Variants in CDH13 observed in about 807,000 individuals in gnomAD.
CDH13 encodes the protein cadherin 13, also known as cadherin-13.
Under a neutral mutation model 63.8 loss-of-function variants are expected in CDH13, and 24 were observed. The observed-to-expected ratio is 0.38, with a 90% CI of 0.27 to 0.53. CDH13 has a LOEUF of 0.53. Among genes scored for constraint, CDH13 ranks in the 20% least tolerant of loss-of-function variants. CDH13 has a pLI of 0.85. For missense variants in CDH13, 1,049 were observed against 903.1 expected (o/e 1.16, Z -2.07); for synonymous variants, 503 against 355.3 (o/e 1.42, Z -4.67).
intron 3 of CDH13, among the ~76,000 whole-genome samples, chr16:83,034,199 C>T (rs1361056702): frequency 6.6e-6 from 1 of 152,088 alleles, no homozygotes; most frequent in Non-Finnish European, 1.5e-5. Context: ...TGCTAATAAC[C>T]CCTGGCTTAG....
intron 2 of CDH13, among the ~76,000 whole-genome samples, chr16:82,981,202 C>T (rs1353728434): frequency 6.6e-6 from 1 of 152,198 alleles, no homozygotes; most frequent in Admixed American, 6.5e-5. Flanking sequence ...TAAACTTCCA[C>T]TTTCCGTTTC....
chr16:83,113,754 G>A (rs959345356), intron 3 of CDH13, among the ~76,000 whole-genome samples: 1 of 152,208 alleles, frequency 6.6e-6, no homozygotes, highest in African/African-American at 2.4e-5. Flanking sequence ...GGGACGGGAA[G>A]GGAAGTCACA....
At chr16:83,402,168 GT>G (rs2091978598) in intron 6 of CDH13, among the ~76,000 whole-genome samples, 1 of 152,012 alleles carries the variant, frequency 6.6e-6, no homozygotes, top group South Asian at 2.1e-4. Flanking sequence ...TATTATTATT[GT>G]TGTTATTATC....
At position 83,206,312 on chromosome 16, in the gene CDH13, A is replaced by G. The variant is rs568380409; in HGVS notation, c.484-11033A>G. The stretch of plus-strand genomic sequence containing the variant: ...ACTTCCCTCTGCACCATCTCATGCT[A>G]TCTTCATCTTCATCTCATGAAGGTT... On this transcript the variant is annotated intron_variant, in intron 4 of 13. Transcript: ENST00000567109. Among the ~76,000 whole-genome samples, 79 of 152,202 alleles carry G rather than the reference A, an allele frequency of 5.2e-4. 1 individual carries two copies. Among genetic ancestry groups the G allele is most frequent in the Non-Finnish European group, 9.8e-4 (67 of 68,036 alleles).
chr16:83,686,149 A>C (rs892895200), intron 10 of CDH13, among the ~76,000 whole-genome samples: 1 of 152,196 alleles, frequency 6.6e-6, no homozygotes. Context: ...GTGAATCAGA[A>C]CGCCGGAGCT....
chr16:82,951,592 A>G (rs975373553), intron 2 of CDH13, among the ~76,000 whole-genome samples: 1 of 152,132 alleles, frequency 6.6e-6, no homozygotes, highest in Non-Finnish European at 1.5e-5. Flanking sequence ...TTTTGTTGAG[A>G]TGCCCAAGCA....
chr16:82,637,292 G>C (rs983480699), intron 1 of CDH13, among the ~76,000 whole-genome samples: 4 of 152,094 alleles, frequency 2.6e-5, no homozygotes, highest in Non-Finnish European at 5.9e-5. Flanking sequence ...TATTGATTCC[G>C]AACGTGTCTA....
At chr16:82,863,253 G>T (rs1401058156) in intron 2 of CDH13, among the ~76,000 whole-genome samples, 1 of 152,184 alleles carries the variant, frequency 6.6e-6, no homozygotes, top group East Asian at 1.9e-4. Context: ...GGAGAGCAAG[G>T]TCGTGCACCT....
At chr16:83,029,666 A>G (rs111607115) in intron 2 of CDH13, among the ~76,000 whole-genome samples, 5 of 152,176 alleles carry the variant, frequency 3.3e-5, no homozygotes, top group African/African-American at 9.7e-5. Context: ...AAATGCAGGT[A>G]AAACCAATCT....
intron 6 of CDH13, among the ~76,000 whole-genome samples, chr16:83,440,433 C>T (rs1409239997): frequency 6.6e-6 from 1 of 152,110 alleles, no homozygotes; most frequent in Non-Finnish European, 1.5e-5. Context: ...GGAATGGGAA[C>T]TGAATCAGTC....
intron 4 of CDH13, among the ~76,000 whole-genome samples, chr16:83,132,247 C>G (rs1247346666): frequency 6.6e-6 from 1 of 152,114 alleles, no homozygotes; most frequent in African/African-American, 2.4e-5. Flanking sequence ...GAAATGCAGA[C>G]TCAGGGTTAC....
chr16:82,803,665 A>T (rs1033529402), intron 1 of CDH13, among the ~76,000 whole-genome samples: 2 of 152,220 alleles, frequency 1.3e-5, no homozygotes, highest in Admixed American at 1.3e-4. Context: ...AAGTCCTACC[A>T]TTTGTGACAA....
chr16:83,357,983 G>T (rs188986004), intron 6 of CDH13, among the ~76,000 whole-genome samples: 84 of 152,296 alleles, frequency 5.5e-4, no homozygotes, highest in Admixed American at 1.0e-3. Context: ...GCCACAGCAG[G>T]CTAGAGGCGG....
intron 2 of CDH13, among the ~76,000 whole-genome samples, chr16:82,912,956 AAG>A (rs1491577311): frequency 6.6e-6 from 1 of 151,858 alleles, no homozygotes; most frequent in Non-Finnish European, 1.5e-5. Flanking sequence ...AAAAAAAAAA[AAG>A]AGTGGTGCTT....
chr16:83,748,229 C>G lies in CDH13; in HGVS notation c.1660C>G (p.Leu554Val), dbSNP rs1368330892. 2.9e-5 allele frequency: 46 copies of G among 1,610,864 alleles called. No homozygotes were observed. Among genetic ancestry groups the G allele is most frequent in the Non-Finnish European group, 3.9e-5 (46 of 1,177,424 alleles). The change falls in exon 11 of 14, where the codon CTC (leucine) becomes GTC (valine). Residue 554 changes from leucine (L) to valine (V), a missense_variant. Transcript: ENST00000567109. ...PFVDNSVYTA[L>V]FLAIDSGNPP... Reference sequence around the variant, plus strand: ...TGTCGACAACAGCGTGTACACTGCTCTCTTCCTGGCAATTGACAGTGGTGA... The same window carrying G: ...TGTCGACAACAGCGTGTACACTGCTGTCTTCCTGGCAATTGACAGTGGTGA...
At chr16:82,997,719 T>C (rs566747512) in intron 2 of CDH13, among the ~76,000 whole-genome samples, 2 of 152,188 alleles carry the variant, frequency 1.3e-5, no homozygotes, top group Non-Finnish European at 2.9e-5. Context: ...AGCTGGGATT[T>C]GAGCTCAGCT....
chr16:83,217,549 A>G (rs957647599), intron 5 of CDH13, 52 bp downstream of exon 5: 223 of 1,568,826 alleles, frequency 1.4e-4, no homozygotes, highest in Non-Finnish European at 1.7e-4. Flanking sequence ...TGGCTTTCAA[A>G]GATTGTTTTC....
At chr16:83,219,980 A>C (rs1472077507) in intron 5 of CDH13, among the ~76,000 whole-genome samples, 1 of 152,202 alleles carries the variant, frequency 6.6e-6, no homozygotes, top group Non-Finnish European at 1.5e-5. Context: ...GCACAGGGTC[A>C]TATACCCTCA....
At chr16:83,027,076 C>T (rs1031513473) in intron 2 of CDH13, among the ~76,000 whole-genome samples, 2 of 151,408 alleles carry the variant, frequency 1.3e-5, no homozygotes, top group Admixed American at 1.3e-4. Context: ...TTGTCGGCAG[C>T]CTCTTGCTCA....
Sources: allele counts gnomAD v4.1 joint callset (sites outside exome capture counted in the v4.1 genomes callset), GRCh38; gene constraint gnomAD v4.1.1; transcripts MANE v1.5; gene names NCBI Gene and HGNC (gene_info 2026-07-23, HGNC 2026-07-21).